Variants in CORIN observed in about 807,000 individuals in gnomAD.
The protein encoded by CORIN is corin, serine peptidase.
Under a neutral mutation model 125.3 loss-of-function variants are expected in CORIN, and 117 were observed. The ratio of observed to expected loss-of-function variants is 0.93; its 90% CI spans 0.80 to 1.09. The LOEUF (loss-of-function observed/expected upper bound fraction) is 1.09, where lower values mean the gene tolerates loss of function less well. Among genes scored for constraint, CORIN ranks in the 50% least tolerant of loss-of-function variants. The pLI, the probability that CORIN is intolerant of heterozygous loss-of-function variation, is 0.00. For missense variants in CORIN, 1,253 were observed against 1,306.7 expected (o/e 0.96, Z 0.63); for synonymous variants, 450 against 466.4 (o/e 0.96, Z 0.45).
intron 21 of CORIN, among the ~76,000 whole-genome samples, chr4:47,598,534 TC>T (rs1027618292): frequency 1.3e-5 from 2 of 152,064 alleles, no homozygotes; most frequent in African/African-American, 4.8e-5. Context: ...TCATCTCCCT[TC>T]CCCTCCTTTA....
chr4:47,661,461 A>G lies in CORIN; in HGVS notation c.1735+250T>C, dbSNP rs550462734. 6 of 428,860 alleles carry G rather than the reference A, an allele frequency of 1.4e-5. No homozygotes were observed. In the East Asian group the frequency reaches 2.4e-4, roughly 17 times the overall value. 26.6% of individuals were successfully genotyped at this position (428,860 alleles called of 1,614,324 possible). ...AGGTACCCCATACATATATACACCT[A>G]TGTACCCACAAAAATAAAAGAATAG... On this transcript the variant is annotated intron_variant, in intron 12 of 21. Transcript: ENST00000273857.
intron 16 of CORIN, among the ~76,000 whole-genome samples, chr4:47,638,390 C>A (rs535717703): frequency 1.3e-5 from 2 of 152,170 alleles, no homozygotes; most frequent in Middle Eastern, 3.4e-3. Flanking sequence ...GGGCCAGGGG[C>A]AGAATGATAT....
At chr4:47,709,430 C>A (rs542352720) in intron 5 of CORIN, among the ~76,000 whole-genome samples, 1 of 152,008 alleles carries the variant, frequency 6.6e-6, no homozygotes, top group African/African-American at 2.4e-5. Context: ...GTAGCTGGGA[C>A]GACAGGCACC....
intron 2 of CORIN, among the ~76,000 whole-genome samples, chr4:47,801,046 G>A (rs1241775167): frequency 6.6e-6 from 1 of 152,084 alleles, no homozygotes; most frequent in Non-Finnish European, 1.5e-5. Context: ...CCTAGCTTCA[G>A]TCCTATGCCA....
intron 2 of CORIN, among the ~76,000 whole-genome samples, chr4:47,797,075 A>G (rs1032181800): frequency 3.6e-4 from 54 of 151,984 alleles, no homozygotes; most frequent in Non-Finnish European, 7.4e-5. Context: ...TGTGTTGCAT[A>G]TAACAGACAC....
chr4:47,740,637 C>G (rs188911810), intron 5 of CORIN, among the ~76,000 whole-genome samples: 3 of 151,742 alleles, frequency 2.0e-5, no homozygotes, highest in Admixed American at 2.0e-4. Context: ...CAAGTTAATC[C>G]TAAAATTTAT....
At chr4:47,832,445 CTTT>C (rs1211972356) in intron 1 of CORIN, among the ~76,000 whole-genome samples, 6 of 76,922 alleles carry the variant, frequency 7.8e-5, no homozygotes, top group South Asian at 9.4e-4. Flanking sequence ...CTTTTCTTTT[CTTT>C]TTTTTTTTTT....
chr4:47,820,974 C>T (rs1244532567), intron 1 of CORIN, among the ~76,000 whole-genome samples: 12 of 152,270 alleles, frequency 7.9e-5, no homozygotes, highest in African/African-American at 2.6e-4. Context: ...TGGTGGCTCA[C>T]GCCTGTCATC....
chr4:47,631,309 C>G (rs1348115309), intron 16 of CORIN, among the ~76,000 whole-genome samples: 2 of 152,182 alleles, frequency 1.3e-5, no homozygotes, highest in Admixed American at 1.3e-4. Flanking sequence ...GGCAAGCCAG[C>G]AAAGCTTCAT....
chr4:47,783,702 C>T (rs1730651407), intron 3 of CORIN, among the ~76,000 whole-genome samples: 1 of 151,922 alleles, frequency 6.6e-6, no homozygotes, highest in African/African-American at 2.4e-5. Context: ...AGATCTAAGA[C>T]ATTAAATGAT....
intron 12 of CORIN, among the ~76,000 whole-genome samples, chr4:47,654,829 C>T (rs115104917): frequency 2.0e-5 from 3 of 151,908 alleles, no homozygotes; most frequent in African/African-American, 7.2e-5. Context: ...TAGTGCATGC[C>T]GCAGAGTGGC....
chr4:47,717,086 G>A (rs1439070507), intron 5 of CORIN, among the ~76,000 whole-genome samples: 1 of 152,130 alleles, frequency 6.6e-6, no homozygotes, highest in African/African-American at 2.4e-5. Flanking sequence ...CCTTGAACAA[G>A]AGAAATTATA....
intron 1 of CORIN, among the ~76,000 whole-genome samples, chr4:47,825,885 G>A (rs1002533343): frequency 6.6e-6 from 1 of 150,792 alleles, no homozygotes; most frequent in African/African-American, 2.4e-5. Flanking sequence ...TGTATTTTTA[G>A]TAGAGACAGG....
chr4:47,598,597 G>C (rs1308170325), intron 21 of CORIN, among the ~76,000 whole-genome samples: 1 of 152,210 alleles, frequency 6.6e-6, no homozygotes, highest in East Asian at 1.9e-4. Context: ...CTAGTTTTTG[G>C]TAAACCTCCA....
At chr4:47,673,780 C>G (rs890209682) in intron 10 of CORIN, among the ~76,000 whole-genome samples, 1 of 152,044 alleles carries the variant, frequency 6.6e-6, no homozygotes, top group Non-Finnish European at 1.5e-5. Context: ...ATTAAAAGAA[C>G]CGACTGCCTA....
In CORIN at chr4:47,670,191, C is replaced by A. The variant is rs1715977041; in HGVS notation, c.1357+4202G>T. The stretch of plus-strand genomic sequence containing the variant: ...ATTCACAAGACTAGAAGTGGCTAAG[C>A]TGTTCTTTCACCAGAAGCCACATCA... On this transcript the variant is annotated intron_variant, in intron 10 of 21. Coordinates refer to ENST00000273857, the MANE Select transcript of CORIN (RefSeq NM_006587.4). 1.3e-5 allele frequency among the ~76,000 whole-genome samples: 2 copies of A among 152,178 alleles called. 1 individual carries two copies. Among genetic ancestry groups the A allele is most frequent in the Admixed American group, 1.3e-4 (2 of 15,270 alleles).
At chr4:47,805,254 C>T in intron 2 of CORIN, among the ~76,000 whole-genome samples, 1 of 151,562 alleles carries the variant, frequency 6.6e-6, no homozygotes, top group East Asian at 1.9e-4. Flanking sequence ...GATGGAAAGC[C>T]CATTTTTCAT....
chr4:47,730,399 G>A (rs1445342321), intron 5 of CORIN, among the ~76,000 whole-genome samples: 1 of 149,032 alleles, frequency 6.7e-6, no homozygotes, highest in Non-Finnish European at 1.5e-5. Context: ...CATGAACCCG[G>A]AAGGCAGAGG....
Position 47,774,082 on chromosome 4 carries a change from T to C in CORIN, c.410-10496A>G, listed in dbSNP as rs114120284. 5.0e-3 allele frequency among the ~76,000 whole-genome samples: 764 copies of C among 152,342 alleles called. 6 individuals carry two copies. The highest frequency in any genetic ancestry group is 0.018 in the African/African-American group (744 of 41,574). ...TTTTGCATTTAATGGTGATTAATTG[T>C]TCCTTAAAAGTGTGATAAAACTTGT... On this transcript the variant is annotated intron_variant, in intron 3 of 21. Coordinates refer to ENST00000273857, the MANE Select transcript of CORIN (RefSeq NM_006587.4).
Sources: allele counts gnomAD v4.1 joint callset (sites outside exome capture counted in the v4.1 genomes callset), GRCh38; gene constraint gnomAD v4.1.1; transcripts MANE v1.5; gene names NCBI Gene and HGNC (gene_info 2026-07-23, HGNC 2026-07-21).